Variants in DNAH6 observed in about 807,000 individuals in gnomAD.
The protein encoded by DNAH6 is axonemal beta dynein heavy chain 6.
Under a neutral mutation model 491.4 loss-of-function variants are expected in DNAH6, and 340 were observed. The ratio of observed to expected loss-of-function variants is 0.69; its 90% CI spans 0.63 to 0.76. DNAH6 has a LOEUF of 0.76. Among genes scored for constraint, DNAH6 ranks in the 30% least tolerant of loss-of-function variants. The pLI is 0.00. For missense variants in DNAH6, 4,443 were observed against 4,972.2 expected, an observed-to-expected ratio of 0.89 and a Z score of 3.20; for synonymous variants, 1,603 against 1,686.1, an observed-to-expected ratio of 0.95 and a Z score of 1.21.
intron 62 of DNAH6, among the ~76,000 whole-genome samples, chr2:84,736,408 G>A (rs867794566): frequency 2.6e-5 from 4 of 152,118 alleles, no homozygotes; most frequent in Admixed American, 6.5e-5. Context: ...GATAGGAATA[G>A]CATTAAATCT....
chr2:84,733,369 T>C, intron 61 of DNAH6, 75 bp from the exon 62 acceptor site: 1 of 1,346,772 alleles, frequency 7.4e-7, no homozygotes. Flanking sequence ...GAGCTTGATT[T>C]TTCACTTGGA....
At chr2:84,722,488 C>T (rs1405377460) in intron 59 of DNAH6, 137 bp from the exon 60 acceptor site, 1 of 677,892 alleles carries the variant, frequency 1.5e-6, no homozygotes, top group African/African-American at 1.9e-5. Context: ...TCAGTCGTTC[C>T]ACCTGGGGAC....
intron 64 of DNAH6, chr2:84,777,362 C>G (rs917837942): frequency 1.6e-5 from 6 of 377,866 alleles, no homozygotes; most frequent in African/African-American, 4.1e-5. Context: ...ATCTGAGATT[C>G]CATTCTGTCC....
the DNAH6 span, among the ~76,000 whole-genome samples, chr2:84,485,845 G>C: frequency 6.6e-6 from 1 of 151,560 alleles, no homozygotes; most frequent in Non-Finnish European, 1.5e-5. Context: ...ACTGATTCCT[G>C]CTCATCTGTG....
chr2:84,745,035 C>T, intron 62 of DNAH6, 45 bp from the exon 63 acceptor site: 2 of 1,269,484 alleles, frequency 1.6e-6, no homozygotes, highest in Non-Finnish European at 1.1e-6. Flanking sequence ...ATTTCAAAGC[C>T]AAAACAAATC....
At chr2:84,462,204 T>C in the DNAH6 span, among the ~76,000 whole-genome samples, 3 of 152,242 alleles carry the variant, frequency 2.0e-5, no homozygotes, top group South Asian at 4.1e-4. Flanking sequence ...CATATCTGAT[T>C]GCTCCCTCTG....
chr2:84,477,628 T>C, the DNAH6 span, among the ~76,000 whole-genome samples: 338 of 152,298 alleles, frequency 2.2e-3, 7 homozygotes, highest in South Asian at 0.042. Context: ...TTGACTCACA[T>C]TTTTGTCCTA....
rs900775860 is a variant in DNAH6, at chr2:84,517,936, G to C, written c.110G>C (p.Ser37Thr). 6.5e-7 allele frequency: 1 copy of C among 1,548,584 alleles called. No individual in the cohort carries two copies. The highest frequency in any genetic ancestry group is 8.7e-7 in the Non-Finnish European group (1 of 1,145,310). ...LNNIKAKQRV[S>T]YVTSTENESD... ...AATATAAAAGCCAAACAAAGAGTGA[G>C]TTATGTGACATCCACAGAAAATGAA... The change falls in exon 2 of 77, where the codon AGT (serine) becomes ACT (threonine). Residue 37 changes from serine (S) to threonine (T), a missense_variant. Physicochemically the swap from Ser to Thr is moderately conservative, Grantham distance 58 (BLOSUM62 1). Coordinates refer to ENST00000389394, the MANE Select transcript of DNAH6 (RefSeq NM_001370.2).
At chr2:84,786,730 A>G (rs768267076) in intron 67 of DNAH6, among the ~76,000 whole-genome samples, 8 of 152,202 alleles carry the variant, frequency 5.3e-5, no homozygotes, top group Non-Finnish European at 1.2e-4. Flanking sequence ...ACAAAAAAAT[A>G]TGATTCTGTG....
intron 38 of DNAH6, among the ~76,000 whole-genome samples, chr2:84,669,742 G>A (rs1378161870): frequency 6.6e-6 from 1 of 152,152 alleles, no homozygotes; most frequent in African/African-American, 2.4e-5. Flanking sequence ...GAGGGCCAGC[G>A]TTTGTGTTTA....
intron 39 of DNAH6, 76 bp from the exon 40 acceptor site, chr2:84,672,251 G>A: frequency 6.9e-7 from 1 of 1,444,366 alleles, no homozygotes; most frequent in East Asian, 2.5e-5. Flanking sequence ...TGAGTCCAAA[G>A]TCATACCCTA....
At position 84,781,030 on chromosome 2, in the gene DNAH6, C is replaced by T. The variant is rs1222664669; in HGVS notation, c.10704-463C>T. On this transcript the variant is annotated intron_variant, in intron 64 of 76. Transcript: ENST00000389394. ...TTTGACCTAGGTGGTGGTACATGTG[C>T]ACATTTGCGTTGTGAGAATTCATTG... Among the ~76,000 whole-genome samples the T allele has an allele frequency of 5.3e-5, 8 of 152,214 alleles. No homozygotes were observed. In the South Asian group the frequency reaches 8.3e-4, roughly 16 times the overall value.
intron 56 of DNAH6, among the ~76,000 whole-genome samples, chr2:84,710,871 G>C (rs1696979508): frequency 6.6e-6 from 1 of 151,824 alleles, no homozygotes; most frequent in South Asian, 2.1e-4. Context: ...AAAAGAAGAA[G>C]AGGAAGAAGA....
Position 84,621,203 on chromosome 2 carries a change from A to C in DNAH6, c.3805A>C (p.Lys1269Gln). 6.4e-7 allele frequency: 1 copy of C among 1,551,530 alleles called. No individual in the cohort carries two copies. Among genetic ancestry groups the C allele is most frequent in the Non-Finnish European group, 8.7e-7 (1 of 1,146,854 alleles). Reference sequence around the variant, plus strand: ...GATTACCTTTTAGGTTAGCTTGGGGAAAGGCCTCAAGGCCCGAGGCAATGT... The same window carrying C: ...GATTACCTTTTAGGTTAGCTTGGGGCAAGGCCTCAAGGCCCGAGGCAATGT... ...SPEGERVSLGKGLKARGNVEE... is the reference protein window; with the variant it reads ...SPEGERVSLGQGLKARGNVEE... Residue 1269 changes from lysine to glutamine, a missense_variant, in exon 25 of 77, where the codon AAA (lysine) becomes CAA (glutamine). Physicochemically the swap from Lys to Gln is moderately conservative, Grantham distance 53. Coordinates refer to ENST00000389394, the MANE Select transcript of DNAH6 (RefSeq NM_001370.2).
chr2:84,718,833 G>A (rs758436038), intron 59 of DNAH6, among the ~76,000 whole-genome samples: 1 of 152,104 alleles, frequency 6.6e-6, no homozygotes, highest in Non-Finnish European at 1.5e-5. Context: ...CTCTTTTGTT[G>A]TGTTGTTAAG....
chr2:84,471,631 C>A, the DNAH6 span, among the ~76,000 whole-genome samples: 1 of 152,168 alleles, frequency 6.6e-6, no homozygotes, highest in African/African-American at 2.4e-5. Flanking sequence ...CAGGGGTAAC[C>A]CCATCCATGG....
In DNAH6 at chr2:84,616,950, A is replaced by G; in HGVS notation, c.3540A>G (p.Ala1180=). The G allele has an allele frequency of 6.0e-6, 9 of 1,498,936 alleles. No homozygotes were observed. The highest frequency in any genetic ancestry group is 2.6e-5 in the East Asian group (1 of 38,008). The allele number at this position is 1,498,936 out of a possible 1,614,324, so 92.9% of individuals were successfully genotyped here. Residue 1180 remains alanine (A), a synonymous_variant, in exon 23 of 77, where the codon GCA becomes GCG. Transcript: ENST00000389394. ...ACCAAATTCAGAAGTGCCTAGAGGC[A>G]TACTTAGAATCAAAAAGAGTTATCT... ...LLDQIQKCLE[A]YLESKRVIFP...
intron 62 of DNAH6, among the ~76,000 whole-genome samples, chr2:84,734,392 G>A (rs1341815304): frequency 6.6e-6 from 1 of 151,778 alleles, no homozygotes; most frequent in Non-Finnish European, 1.5e-5. Context: ...CGCCTGCCTC[G>A]GCCTCCCAAA....
intron 18 of DNAH6, among the ~76,000 whole-genome samples, chr2:84,602,963 G>T (rs1685409025): frequency 6.6e-6 from 1 of 151,242 alleles, no homozygotes; most frequent in East Asian, 1.9e-4. Context: ...TGTTCGATTT[G>T]TAATTGTATT....
Sources: allele counts gnomAD v4.1 joint callset (sites outside exome capture counted in the v4.1 genomes callset), GRCh38; gene constraint gnomAD v4.1.1; transcripts MANE v1.5; gene names NCBI Gene and HGNC (gene_info 2026-07-23, HGNC 2026-07-21).